MYT1: variants seen among roughly 807,000 people sequenced by gnomAD.
MYT1 encodes myelin transcription factor I.
MYT1 carries 23 observed loss-of-function variants against 123.0 expected under a neutral mutation model. That is an observed-to-expected ratio of 0.19 (90% CI 0.13 to 0.26). MYT1 has a LOEUF of 0.26. Among genes scored for constraint, MYT1 ranks in the 10% least tolerant of loss-of-function variants. The pLI is 1.00. For missense variants in MYT1, 1,125 were observed against 1,472.5 expected (o/e 0.76, Z 3.86); for synonymous variants, 518 against 575.3 (o/e 0.90, Z 1.43).
chr20:64,230,255 G>A (rs758761265), intron 18 of MYT1, among the ~76,000 whole-genome samples: 10 of 152,224 alleles, frequency 6.6e-5, no homozygotes, highest in Non-Finnish European at 1.2e-4. Context: ...GCTCATGCCT[G>A]TAATCCCAGC....
At chr20:64,179,250 C>T (rs1482427505) in intron 1 of MYT1, among the ~76,000 whole-genome samples, 2 of 152,086 alleles carry the variant, frequency 1.3e-5, no homozygotes, top group Admixed American at 1.3e-4. Flanking sequence ...CGTGGGAGCA[C>T]TGAGCCGTTA....
Position 64,232,436 on chromosome 20 carries a change from G to C in MYT1, c.2897+51G>C. On this transcript the variant is annotated intron_variant, in intron 19 of 22. Coordinates refer to ENST00000328439, the MANE Select transcript of MYT1 (RefSeq NM_004535.3). The surrounding 1 kb of genome is among the most constrained non-coding windows in gnomAD (Gnocchi z 6.9). ...CTCTGTGCAGTCAGTAGGGACCCTC[G>C]CCTGGGGCCTGGGGCTGAAGCTCCT... 1 of 1,550,360 alleles carries C rather than the reference G, an allele frequency of 6.5e-7. No homozygotes were observed. Among genetic ancestry groups the C allele is most frequent in the Non-Finnish European group, 8.9e-7 (1 of 1,126,780 alleles).
In MYT1 at chr20:64,242,030, G is replaced by A. The variant is rs1038226603; in HGVS notation, c.*1582G>A. 8.5e-5 allele frequency: 13 copies of A among 152,454 alleles called. No individual in the cohort carries two copies. Among genetic ancestry groups the A allele is most frequent in the African/African-American group, 2.4e-4 (10 of 41,414 alleles). 9.4% of individuals were successfully genotyped at this position (152,454 alleles called of 1,614,324 possible). A position where few individuals can be genotyped will look rare whatever the true frequency, so the allele number is the denominator to read the frequency against. Reference sequence around the variant, plus strand: ...ATGTGTGTGCTTGGGCGTGTTTCTCGTGTCGCGTTTGCGTGTCGGCTCTTG... The same window carrying A: ...ATGTGTGTGCTTGGGCGTGTTTCTCATGTCGCGTTTGCGTGTCGGCTCTTG... On this transcript the variant is annotated 3_prime_UTR_variant, in exon 23 of 23. Transcript: ENST00000328439.
chr20:64,203,837 T>C lies in MYT1; in HGVS notation c.87-1198T>C, dbSNP rs1983397631. Among the ~76,000 whole-genome samples the C allele has an allele frequency of 6.6e-6, 1 of 152,196 alleles. No individual in the cohort carries two copies. The highest frequency in any genetic ancestry group is 1.5e-5 in the Non-Finnish European group (1 of 68,034). On this transcript the variant is annotated intron_variant, in intron 4 of 22. Coordinates refer to ENST00000328439, the MANE Select transcript of MYT1 (RefSeq NM_004535.3). The surrounding 1 kb of genome is among the most constrained non-coding windows in gnomAD (Gnocchi z 5.1). Reference sequence around the variant, plus strand: ...ATAGAGACTGGGGATGGCGTTCTTTTCCCCGGGTCCCAGGTATGGGGGCAC... The same window carrying C: ...ATAGAGACTGGGGATGGCGTTCTTTCCCCCGGGTCCCAGGTATGGGGGCAC...
At chr20:64,180,715 G>T (rs2983448) in intron 1 of MYT1, among the ~76,000 whole-genome samples, 5,599 of 152,296 alleles carry the variant, frequency 0.037, 305 homozygotes, top group African/African-American at 0.12. Context: ...GGACCTTTTC[G>T]GACACTTGTG....
Position 64,212,755 on chromosome 20 carries a change from AC to A in MYT1, c.1517+619del, listed in dbSNP as rs529100220. ...GCCCAGGTGGAAGTGAAGCTTCCCGACCACCCTCGAGGTGTAGTTGTTGACT... is the reference window on the plus strand; with the variant it reads ...GCCCAGGTGGAAGTGAAGCTTCCCGACACCCTCGAGGTGTAGTTGTTGACT... On this transcript the variant is annotated intron_variant, in intron 9 of 22. Coordinates refer to ENST00000328439, the MANE Select transcript of MYT1 (RefSeq NM_004535.3). The surrounding 1 kb of genome is among the most constrained non-coding windows in gnomAD (Gnocchi z 6.8). Among the ~76,000 whole-genome samples the A allele has an allele frequency of 2.4e-3, 364 of 151,996 alleles. 1 individual carries two copies. Among genetic ancestry groups the A allele is most frequent in the Middle Eastern group, 0.017 (5 of 294 alleles).
rs1983204237 is a variant in MYT1, at chr20:64,198,768, T to G, written c.1-94T>G. 3 of 1,400,984 alleles carry G rather than the reference T, an allele frequency of 2.1e-6. No individual in the cohort carries two copies. In the East Asian group the frequency reaches 6.9e-5, roughly 32 times the overall value. The allele number at this position is 1,400,984 out of a possible 1,614,324, so 86.8% of individuals were successfully genotyped here. A position where few individuals can be genotyped will look rare whatever the true frequency, so the allele number is the denominator to read the frequency against. ...CCAAAATCACCTTTGCTGTCAAAGCTTGAGCCAGAAAATGGCCAGACATTC... is the reference window on the plus strand; with the variant it reads ...CCAAAATCACCTTTGCTGTCAAAGCGTGAGCCAGAAAATGGCCAGACATTC... On this transcript the variant is annotated intron_variant, in intron 2 of 22. Transcript: ENST00000328439.
chr20:64,220,158 G>A (rs1983959179), intron 13 of MYT1, among the ~76,000 whole-genome samples, 176 bp downstream of exon 13: 1 of 152,236 alleles, frequency 6.6e-6, no homozygotes, highest in African/African-American at 2.4e-5. Context: ...GGGACTCAGG[G>A]GCTCACCCTC....
intron 21 of MYT1, among the ~76,000 whole-genome samples, chr20:64,237,701 A>C (rs1984594122): frequency 2.0e-5 from 3 of 152,088 alleles, no homozygotes; most frequent in South Asian, 2.1e-4. Flanking sequence ...TGTTTCTCTT[A>C]CTCTCATTAG....
chr20:64,235,377 C>A (rs538849568), intron 19 of MYT1, among the ~76,000 whole-genome samples: 3 of 123,170 alleles, frequency 2.4e-5, no homozygotes, highest in Non-Finnish European at 4.9e-5. Context: ...TGACACTGGG[C>A]TGGTGGTGGT....
rs557175833 is a variant in MYT1, at chr20:64,241,364, C to G, written c.*916C>G. On this transcript the variant is annotated 3_prime_UTR_variant, in exon 23 of 23. Coordinates refer to ENST00000328439, the MANE Select transcript of MYT1 (RefSeq NM_004535.3). This position sits in a 1 kb window ranked among gnomAD's most constrained non-coding sequence, Gnocchi z 4.2. ...ACAGGAGACCACAAAGGTTTCACTT[C>G]TTTTAGATCCATCCAATATGCGAAA... 1.3e-5 allele frequency: 2 copies of G among 152,520 alleles called. No individual in the cohort carries two copies. The highest frequency in any genetic ancestry group is 3.9e-4 in the East Asian group (2 of 5,190). 9.4% of individuals were successfully genotyped at this position (152,520 alleles called of 1,614,324 possible).
At chr20:64,219,664 A>G in intron 12 of MYT1, 49 bp from the exon 13 acceptor site, 2 of 1,506,028 alleles carry the variant, frequency 1.3e-6, no homozygotes, top group Non-Finnish European at 1.8e-6. Context: ...CAGAAGGCAC[A>G]CATGGGAAGG....
Position 64,218,860 on chromosome 20 carries a change from G to C in MYT1, c.1847-51G>C. 1 of 1,611,642 alleles carries C rather than the reference G, an allele frequency of 6.2e-7. No homozygotes were observed. The highest frequency in any genetic ancestry group is 8.5e-7 in the Non-Finnish European group (1 of 1,179,940). The stretch of plus-strand genomic sequence containing the variant: ...CCTTTCCCAAAGGCCTCTTCCCCCA[G>C]GCACAGCCCCTCCAGTAGTTATGTG... On this transcript the variant is annotated intron_variant, in intron 11 of 22. Coordinates refer to ENST00000328439, the MANE Select transcript of MYT1 (RefSeq NM_004535.3). The surrounding 1 kb of genome is among the most constrained non-coding windows in gnomAD (Gnocchi z 4.0).
In MYT1 at chr20:64,207,806, G is replaced by A; in HGVS notation, c.610G>A (p.Gly204Arg). 6.2e-7 allele frequency: 1 copy of A among 1,613,858 alleles called. No homozygotes were observed. The highest frequency in any genetic ancestry group is 8.5e-7 in the Non-Finnish European group (1 of 1,179,968). ...IVHLLQEAAE[G>R]AASEEGEKGL... The stretch of plus-strand genomic sequence containing the variant: ...GCACCTGCTTCAGGAGGCTGCAGAG[G>A]GAGCTGCCAGCGAGGAGGGTGAAAA... Residue 204 changes from glycine to arginine, a missense_variant, in exon 7 of 23, where the codon GGA (glycine) becomes AGA (arginine). Transcript: ENST00000328439.
rs1361644074 is a variant in MYT1, at chr20:64,187,373, C to T, written c.-98-2690C>T. Among the ~76,000 whole-genome samples the T allele has an allele frequency of 7.4e-5, 11 of 149,250 alleles. 1 individual carries two copies. Among genetic ancestry groups the T allele is most frequent in the Non-Finnish European group, 1.0e-4 (7 of 67,520 alleles). Reference sequence around the variant, plus strand: ...CCTGTGGCCCCGGCATCCACGTTTCCGTGGAGAGTTTTCCTGTGGCACGTG... The same window carrying T: ...CCTGTGGCCCCGGCATCCACGTTTCTGTGGAGAGTTTTCCTGTGGCACGTG... On this transcript the variant is annotated intron_variant, in intron 1 of 22. Coordinates refer to ENST00000328439, the MANE Select transcript of MYT1 (RefSeq NM_004535.3).
At chr20:64,201,850 A>G (rs1983313379) in intron 4 of MYT1, among the ~76,000 whole-genome samples, 1 of 151,986 alleles carries the variant, frequency 6.6e-6, no homozygotes, top group Non-Finnish European at 1.5e-5. Flanking sequence ...TGTGCAGACC[A>G]TGGCACTGGA....
At chr20:64,237,737 G>A (rs997739398) in intron 21 of MYT1, among the ~76,000 whole-genome samples, 3 of 152,126 alleles carry the variant, frequency 2.0e-5, no homozygotes, top group Non-Finnish European at 2.9e-5. Flanking sequence ...CAAGACCAGC[G>A]GTCCCATTAG....
In MYT1 at chr20:64,190,566, T is replaced by TG. The variant is rs1401331820; in HGVS notation, c.-1+411dup. Reference sequence around the variant, plus strand: ...GCATGCGCCTGTAATCCCAGCTATTTGGGGGAGGATCCCAGCTAAGGTGGG... The same window carrying TG: ...GCATGCGCCTGTAATCCCAGCTATTTGGGGGGAGGATCCCAGCTAAGGTGGG... On this transcript the variant is annotated intron_variant, in intron 2 of 22. Transcript: ENST00000328439. This position sits in a 1 kb window ranked among gnomAD's most constrained non-coding sequence, Gnocchi z 4.1. Among the ~76,000 whole-genome samples the TG allele has an allele frequency of 3.5e-5, 5 of 141,072 alleles. No individual in the cohort carries two copies. Among genetic ancestry groups the TG allele is most frequent in the Non-Finnish European group, 6.0e-5 (4 of 66,238 alleles). 92.5% of individuals were successfully genotyped at this position (141,072 alleles called of 152,430 possible). A position where few individuals can be genotyped will look rare whatever the true frequency, so the allele number is the denominator to read the frequency against.
chr20:64,199,840 C>G, intron 3 of MYT1, 52 bp from the exon 4 acceptor site: 3 of 1,593,316 alleles, frequency 1.9e-6, no homozygotes, highest in African/African-American at 1.3e-5. Context: ...GGGCAATGAG[C>G]CTTTAAAATC....
Sources: gnomAD v4.1 joint callset for allele counts (sites outside exome capture counted in the v4.1 genomes callset) on GRCh38, gnomAD v4.1.1 for gene constraint, Gnocchi (gnomAD v3.1) non-coding constraint, MANE v1.5 for transcripts, NCBI Gene and HGNC (gene_info 2026-07-23, HGNC 2026-07-21) for gene names.